Variants in COL4A1 observed in about 807,000 individuals in gnomAD.
The protein encoded by COL4A1 is collagen type IV alpha 1 chain.
A neutral mutation model predicts 216.6 loss-of-function variants in COL4A1; 40 were observed. The observed-to-expected ratio is 0.18, with a 90% confidence interval of 0.14 to 0.24. The LOEUF is 0.24. COL4A1 is among the 10% of genes least tolerant of loss of function. COL4A1 has a pLI of 1.00. For missense variants in COL4A1, 1,628 were observed against 2,196.8 expected (o/e 0.74, Z 5.18); for synonymous variants, 839 against 810.7 (o/e 1.03, Z -0.59).
Position 110,213,971 on chromosome 13 carries a change from A to G in COL4A1, c.189T>C (p.Pro63=). Residue 63 remains proline, a synonymous_variant, in exon 3 of 52, where the codon CCT becomes CCC. Transcript: ENST00000375820. The part of the protein sequence containing the change: ...LPGLQGVIGF[P]GMQGPEGPQG... ...GTGGCCCCTCAGGTCCTTGCATTCC[A>G]GGAAACCCAATGACACCTTGTAACC... The G allele has an allele frequency of 1.2e-6, 2 of 1,614,014 alleles. No homozygotes were observed. Among genetic ancestry groups the G allele is most frequent in the Non-Finnish European group, 1.7e-6 (2 of 1,180,012 alleles).
chr13:110,166,175 C>T, intron 45 of COL4A1, 57 bp downstream of exon 45: 1 of 1,059,880 alleles, frequency 9.4e-7, no homozygotes, highest in Non-Finnish European at 1.5e-6. Context: ...GCATTCCTGG[C>T]TTTTACATTT....
In COL4A1 at chr13:110,162,400, G is replaced by A; in HGVS notation, c.4292C>T (p.Pro1431Leu). 6.2e-7 allele frequency: 1 copy of A among 1,614,210 alleles called. No homozygotes were observed. The highest frequency in any genetic ancestry group is 1.1e-5 in the South Asian group (1 of 91,086). Residue 1431 changes from proline to leucine, a missense_variant, in exon 48 of 52, where the codon CCA (proline) becomes CTA (leucine). By Grantham distance (98) the Pro-to-Leu change is moderately conservative. Coordinates refer to ENST00000375820, the MANE Select transcript of COL4A1 (RefSeq NM_001845.6). Reference sequence around the variant, plus strand: ...GGTGCCTGGGGGCCCCATGGATCCTGGCAACCCATCGGGGCCTGGTGGACC... The same window carrying A: ...GGTGCCTGGGGGCCCCATGGATCCTAGCAACCCATCGGGGCCTGGTGGACC... The part of the protein sequence containing the change: ...FPGPPGPDGL[P>L]GSMGPPGTPS...
chr13:110,209,362 C>G (rs1323368062), intron 11 of COL4A1, 30 bp downstream of exon 11: 2 of 1,608,066 alleles, frequency 1.2e-6, no homozygotes, highest in East Asian at 2.2e-5. Context: ...ATACTAATGC[C>G]AAAGAACAAA....
chr13:110,172,932 A>G (rs951199218), intron 40 of COL4A1, among the ~76,000 whole-genome samples, 162 bp from the exon 41 acceptor site: 7 of 152,242 alleles, frequency 4.6e-5, no homozygotes, highest in Admixed American at 6.5e-5. Context: ...TCCTACAGTT[A>G]TAAGATACCC....
intron 33 of COL4A1, among the ~76,000 whole-genome samples, 161 bp downstream of exon 33, chr13:110,177,681 T>C (rs539543642): frequency 5.8e-4 from 89 of 152,194 alleles, no homozygotes; most frequent in Middle Eastern, 3.4e-3. Flanking sequence ...GCACCAGGAA[T>C]CCTACTGGAA....
intron 1 of COL4A1, among the ~76,000 whole-genome samples, chr13:110,250,761 C>T (rs550959593): frequency 1.4e-4 from 21 of 152,284 alleles, no homozygotes; most frequent in Non-Finnish European, 2.9e-4. Flanking sequence ...CGAGCCTTCC[C>T]GTGCTTGTGA....
chr13:110,295,281 C>A, intron 1 of COL4A1, among the ~76,000 whole-genome samples: 2 of 142,954 alleles, frequency 1.4e-5, no homozygotes, highest in Admixed American at 7.2e-5. Context: ...TTTTTTGAGA[C>A]GGAGTTTGTA....
Position 110,198,078 on chromosome 13 carries a change from G to GTGTGTGTGTGTGT in COL4A1, c.1285+388_1285+389insACACACACACACA, listed in dbSNP as rs1555305317. Among the ~76,000 whole-genome samples, 391 of 141,924 alleles carry GTGTGTGTGTGTGT rather than the reference G, an allele frequency of 2.8e-3. 5 individuals carry two copies. The highest frequency in any genetic ancestry group is 8.6e-3 in the East Asian group (41 of 4,744). The allele number at this position is 141,924 out of a possible 152,430, so 93.1% of individuals were successfully genotyped here. On this transcript the variant is annotated intron_variant, in intron 21 of 51. Transcript: ENST00000375820. Reference sequence around the variant, plus strand: ...GTAATCCTGTCTTCCTTGTTTCTGGGGTGTGTGTGTGTGTGTGTGTGTGTG... The same window carrying GTGTGTGTGTGTGT: ...GTAATCCTGTCTTCCTTGTTTCTGGGTGTGTGTGTGTGTGTGTGTGTGTGTGTGTGTGTGTGTG...
chr13:110,195,794 A>G (rs1247519670), intron 21 of COL4A1, among the ~76,000 whole-genome samples: 1 of 152,250 alleles, frequency 6.6e-6, no homozygotes, highest in East Asian at 1.9e-4. Flanking sequence ...TGAAGAAAAA[A>G]GACACAGTGA....
chr13:110,275,141 T>A (rs969796818), intron 1 of COL4A1, among the ~76,000 whole-genome samples: 7 of 152,136 alleles, frequency 4.6e-5, no homozygotes, highest in Non-Finnish European at 8.8e-5. Flanking sequence ...ACAGAAAATA[T>A]TTGCAAAAGA....
intron 1 of COL4A1, among the ~76,000 whole-genome samples, chr13:110,289,406 C>T (rs1381565878): frequency 6.6e-6 from 1 of 152,142 alleles, no homozygotes; most frequent in African/African-American, 2.4e-5. Flanking sequence ...CAACTCGTTC[C>T]TGTGAGGGGA....
At chr13:110,171,324 G>T (rs1594545583) in intron 41 of COL4A1, among the ~76,000 whole-genome samples, 1 of 152,130 alleles carries the variant, frequency 6.6e-6, no homozygotes, top group East Asian at 1.9e-4. Context: ...GAGGGCAGGA[G>T]GGGGGGATTA....
intron 21 of COL4A1, among the ~76,000 whole-genome samples, chr13:110,195,829 C>A (rs1878860429): frequency 6.6e-6 from 1 of 152,206 alleles, no homozygotes; most frequent in Non-Finnish European, 1.5e-5. Flanking sequence ...AGCATCCCTG[C>A]CCAGGCATAA....
At chr13:110,160,491 A>T (rs1877032509) in intron 49 of COL4A1, among the ~76,000 whole-genome samples, 1 of 152,084 alleles carries the variant, frequency 6.6e-6, no homozygotes, top group Admixed American at 6.6e-5. Context: ...GATGATTCAG[A>T]AAACAATGTC....
rs1482050253 is a variant in COL4A1 at position 110,192,228 on chromosome 13, C to T, written c.1522G>A (p.Val508Ile). 4 of 1,614,106 alleles carry T rather than the reference C, an allele frequency of 2.5e-6. No homozygotes were observed. Among genetic ancestry groups the T allele is most frequent in the Non-Finnish European group, 3.4e-6 (4 of 1,180,048 alleles). The change falls in exon 24 of 52, where the codon GTT becomes ATT. Residue 508 changes from valine (V) to isoleucine (I), a missense_variant. This residue lies in a region of COL4A1 where 701 missense variants were observed against 892.5 expected (regional missense o/e 0.79). Coordinates refer to ENST00000375820, the MANE Select transcript of COL4A1 (RefSeq NM_001845.6). The part of the protein sequence containing the change: ...GDRGLPGRDG[V>I]AGVPGPQGTP... ...GGTTTACTTACTGGCACTCCTGCAA[C>T]ACCATCTCTGCCAGGCAAACCTCTG...
intron 1 of COL4A1, among the ~76,000 whole-genome samples, chr13:110,269,353 T>C (rs1883158795): frequency 6.6e-6 from 1 of 152,192 alleles, no homozygotes; most frequent in Non-Finnish European, 1.5e-5. Flanking sequence ...ATATTTTTCC[T>C]ACGACATAGA....
At position 110,181,350 on chromosome 13, in the gene COL4A1, G is replaced by A; in HGVS notation, c.2135C>T (p.Thr712Ile). The change falls in exon 29 of 52, where the codon ACT becomes ATT. Residue 712 changes from threonine (T) to isoleucine (I), a missense_variant. Physicochemically the swap from Thr to Ile is moderately conservative, Grantham distance 89 (BLOSUM62 -1). Around this residue, in one of 8 missense-constraint regions of COL4A1, gnomAD observed 701 missense variants for 892.5 expected, o/e 0.79. Transcript: ENST00000375820. ...GCCATTAAATCCCGGGCGACCTGGA[G>A]TCCCCGGTGGCCCCATGTCTCCAGG... is the stretch of plus-strand genomic sequence containing the variant. ...GLPGDMGPPG[T>I]PGRPGFNGLP... The A allele has an allele frequency of 6.2e-7, 1 of 1,613,714 alleles. No individual in the cohort carries two copies. The highest frequency in any genetic ancestry group is 8.5e-7 in the Non-Finnish European group (1 of 1,179,882).
chr13:110,249,945 A>G (rs12428227), intron 1 of COL4A1, among the ~76,000 whole-genome samples: 21,612 of 152,138 alleles, frequency 0.14, 1,613 homozygotes, highest in South Asian at 0.17. Flanking sequence ...AGAACTCAAA[A>G]TCATTGTGCT....
At chr13:110,276,591 A>G (rs768467301) in intron 1 of COL4A1, among the ~76,000 whole-genome samples, 2 of 152,180 alleles carry the variant, frequency 1.3e-5, no homozygotes, top group African/African-American at 2.4e-5. Flanking sequence ...TTAATTTCTC[A>G]GTATCAATTT....
Sources: allele counts gnomAD v4.1 joint callset (sites outside exome capture counted in the v4.1 genomes callset), GRCh38; gene constraint gnomAD v4.1.1; regional missense constraint gnomAD v4.1.1; transcripts MANE v1.5; gene names NCBI Gene and HGNC (gene_info 2026-07-23, HGNC 2026-07-21).